Variants in PMM2 observed in about 807,000 individuals in gnomAD.
PMM2 encodes mannose-6-phosphate isomerase.
In PMM2, 35 loss-of-function variants were observed where a neutral mutation model predicts 33.2. The ratio of observed to expected loss-of-function variants is 1.06; its 90% CI spans 0.81 to 1.40. The LOEUF (loss-of-function observed/expected upper bound fraction) is 1.40. PMM2 is among the 40% of genes most tolerant of loss of function. The pLI, the probability that PMM2 is intolerant of heterozygous loss-of-function variation, is 0.00. For missense variants in PMM2, 386 were observed against 306.0 expected (o/e 1.26, Z -1.95); for synonymous variants, 153 against 114.7 (o/e 1.33, Z -2.13).
In PMM2 at chr16:8,838,902, A is replaced by G. The variant is rs1269434906; in HGVS notation, c.640-8822A>G. Among the ~76,000 whole-genome samples, 6 of 151,990 alleles carry G rather than the reference A, an allele frequency of 3.9e-5. No individual in the cohort carries two copies. In the South Asian group the frequency reaches 6.3e-4, roughly 16 times the overall value. On this transcript the variant is annotated intron_variant, in intron 7 of 7. Coordinates refer to ENST00000268261, the MANE Select transcript of PMM2 (RefSeq NM_000303.3). ...CAACACTCTTCATTTAAGAATATGC[A>G]GAGTCCTCTTTTTTCAACAGTGAGT...
rs574670853 is a variant in PMM2, at chr16:8,842,787, C to G, written c.640-4937C>G. ...TTTAGAAGCCTATGCTGTAGCAGGC[C>G]AGTGATAACAGGCTTTAATCCTTTT... On this transcript the variant is annotated intron_variant, in intron 7 of 7. Coordinates refer to ENST00000268261, the MANE Select transcript of PMM2 (RefSeq NM_000303.3). 1.2e-3 allele frequency among the ~76,000 whole-genome samples: 178 copies of G among 152,230 alleles called. 1 individual carries two copies. Among genetic ancestry groups the G allele is most frequent in the Non-Finnish European group, 2.0e-3 (134 of 68,024 alleles).
At chr16:8,804,442 C>A (rs553083328) in intron 2 of PMM2, among the ~76,000 whole-genome samples, 9 of 152,256 alleles carry the variant, frequency 5.9e-5, no homozygotes, top group Admixed American at 5.2e-4. Flanking sequence ...TCACACTGCC[C>A]TGGTTGCTGC....
intron 1 of PMM2, among the ~76,000 whole-genome samples, chr16:8,799,465 T>C (rs1368581161): frequency 6.6e-6 from 1 of 151,890 alleles, no homozygotes; most frequent in Non-Finnish European, 1.5e-5. Context: ...TGCCATTTCC[T>C]ATCTGTGCTA....
intron 7 of PMM2, among the ~76,000 whole-genome samples, chr16:8,820,488 G>A (rs57648796): frequency 0.024 from 3,575 of 151,950 alleles, 132 homozygotes; most frequent in African/African-American, 0.081. Context: ...TGAGTAGCTG[G>A]GATTACCGGT....
At chr16:8,823,338 T>G (rs986106405) in intron 7 of PMM2, among the ~76,000 whole-genome samples, 2 of 152,220 alleles carry the variant, frequency 1.3e-5, no homozygotes, top group African/African-American at 4.8e-5. Context: ...GTTTGGGAAT[T>G]GTAGCCCACA....
At chr16:8,832,735 TTCAGGCGG>T (rs2141038689) in intron 7 of PMM2, 1 of 985,304 alleles carries the variant, frequency 1.0e-6, no homozygotes, top group East Asian at 1.1e-4. Flanking sequence ...GCTTGCAGGC[TTCAGGCGG>T]CTACCCGTGA....
In PMM2 at chr16:8,806,389, T is replaced by C; in HGVS notation, c.329T>C (p.Ile110Thr). 1 of 1,611,936 alleles carries C rather than the reference T, an allele frequency of 6.2e-7. No homozygotes were observed. The highest frequency in any genetic ancestry group is 8.5e-7 in the Non-Finnish European group (1 of 1,177,996). The change falls in exon 4 of 8, where the codon ATT becomes ACT. Residue 110 changes from isoleucine to threonine, a missense_variant. By Grantham distance (89) the Ile-to-Thr change is moderately conservative. Coordinates refer to ENST00000268261, the MANE Select transcript of PMM2 (RefSeq NM_000303.3). ...INYCLSYIAK[I>T]KLPKKRGTFI... ...TACTGTCTGAGCTACATTGCGAAAA[T>C]TAAACTCCCGAAGAAGAGGTGGGTT...
At chr16:8,843,053 A>G (rs9928800) in intron 7 of PMM2, among the ~76,000 whole-genome samples, 43,081 of 151,840 alleles carry the variant, frequency 0.28, 6,231 homozygotes, top group South Asian at 0.34. Context: ...TTTGCTTAAA[A>G]TATCTCGGCC....
intron 7 of PMM2, among the ~76,000 whole-genome samples, chr16:8,818,417 A>C (rs1387404457): frequency 2.0e-5 from 3 of 152,242 alleles, no homozygotes; most frequent in African/African-American, 7.2e-5. Context: ...AAACCTTCAA[A>C]CAACCTATCA....
intron 7 of PMM2, 55 bp from the exon 8 acceptor site, chr16:8,847,669 C>A: frequency 7.5e-7 from 1 of 1,332,568 alleles, no homozygotes; most frequent in Non-Finnish European, 1.1e-6. Context: ...GTCACATCAG[C>A]AATGGCCCGG....
chr16:8,799,196 A>C (rs2060597041), intron 1 of PMM2, among the ~76,000 whole-genome samples: 1 of 152,160 alleles, frequency 6.6e-6, no homozygotes, highest in Non-Finnish European at 1.5e-5. Context: ...GTACCAATAA[A>C]ATTTTATTTA....
intron 4 of PMM2, 58 bp downstream of exon 4, chr16:8,806,465 G>A (rs2060648975): frequency 1.0e-6 from 1 of 972,142 alleles, no homozygotes; most frequent in Non-Finnish European, 1.7e-6. Context: ...TCACATGGTG[G>A]GCTAATGTGG....
chr16:8,817,724 T>C (rs2060715876), intron 7 of PMM2, among the ~76,000 whole-genome samples: 1 of 152,198 alleles, frequency 6.6e-6, no homozygotes, highest in African/African-American at 2.4e-5. Flanking sequence ...GCATTCATTA[T>C]AGAAAATTAG....
intron 1 of PMM2, among the ~76,000 whole-genome samples, chr16:8,800,541 C>T (rs7194134): frequency 6.6e-6 from 1 of 152,088 alleles, no homozygotes; most frequent in African/African-American, 2.4e-5. Context: ...GATTATACCA[C>T]TAAGACCACT....
intron 4 of PMM2, among the ~76,000 whole-genome samples, chr16:8,807,224 A>C (rs141116854): frequency 0.016 from 2,381 of 147,744 alleles, 38 homozygotes; most frequent in Middle Eastern, 0.029. Flanking sequence ...CCAGGCTGAT[A>C]TCGAACTCCC....
intron 7 of PMM2, among the ~76,000 whole-genome samples, chr16:8,817,346 T>C (rs1036026793): frequency 4.6e-5 from 7 of 152,224 alleles, no homozygotes; most frequent in African/African-American, 1.7e-4. Context: ...GCTAATGAAA[T>C]GACACCTAGG....
At chr16:8,804,035 T>G (rs1391688331) in intron 2 of PMM2, among the ~76,000 whole-genome samples, 214 of 88,758 alleles carry the variant, frequency 2.4e-3, no homozygotes, top group Non-Finnish European at 3.8e-3. Flanking sequence ...TTTTTTGTTT[T>G]TTTTTTTTTT....
At chr16:8,823,956 G>A (rs937315215) in intron 7 of PMM2, among the ~76,000 whole-genome samples, 7 of 152,098 alleles carry the variant, frequency 4.6e-5, no homozygotes, top group Admixed American at 2.0e-4. Context: ...TAAAGTAACC[G>A]GCATCTCTAA....
chr16:8,839,080 A>G (rs1043488131), intron 7 of PMM2, among the ~76,000 whole-genome samples: 2 of 152,020 alleles, frequency 1.3e-5, no homozygotes, highest in East Asian at 3.9e-4. Context: ...AATGCCTGCT[A>G]TTCCAGTACC....
Sources: allele counts gnomAD v4.1 joint callset (sites outside exome capture counted in the v4.1 genomes callset), GRCh38; gene constraint gnomAD v4.1.1; transcripts MANE v1.5; gene names NCBI Gene and HGNC (gene_info 2026-07-23, HGNC 2026-07-21).